STOML3: variants seen among roughly 807,000 people sequenced by gnomAD.
The protein encoded by STOML3 is stomatin like 3, also known as stomatin-like protein 3.
STOML3 carries 31 observed loss-of-function variants against 29.5 expected under a neutral mutation model. That is an observed-to-expected ratio of 1.05 (90% CI 0.79 to 1.42). STOML3 has a LOEUF of 1.42. Among genes scored for constraint, STOML3 ranks in the 40% most tolerant of loss-of-function variants. STOML3 has a pLI of 0.00. For synonymous variants in STOML3, 122 were observed against 139.8 expected, an observed-to-expected ratio of 0.87 and a Z score of 0.90; for missense variants, 380 against 363.0, an observed-to-expected ratio of 1.05 and a Z score of -0.38.
chr13:38,987,687 T>C (rs1393852735), intron 1 of STOML3, among the ~76,000 whole-genome samples: 1 of 137,222 alleles, frequency 7.3e-6, no homozygotes, highest in African/African-American at 2.7e-5. Context: ...ATATTATATA[T>C]ACTAATTATA....
intron 1 of STOML3, among the ~76,000 whole-genome samples, chr13:38,987,233 C>T (rs1320461480): frequency 6.6e-6 from 1 of 152,018 alleles, no homozygotes; most frequent in African/African-American, 2.4e-5. Context: ...CTTTCAAAAG[C>T]TGGTCCAGGC....
At chr13:38,973,096 TAAAAA>T (rs71074495) in intron 3 of STOML3, among the ~76,000 whole-genome samples, 96 of 32,522 alleles carry the variant, frequency 3.0e-3, no homozygotes, top group South Asian at 0.012. Flanking sequence ...CCGTCTCTAC[TAAAAA>T]AAAAAAAAAA....
chr13:38,974,581 C>A (rs1881002381), intron 3 of STOML3, among the ~76,000 whole-genome samples: 1 of 152,014 alleles, frequency 6.6e-6, no homozygotes, highest in Non-Finnish European at 1.5e-5. Context: ...AAATACAGTG[C>A]CAGGTATGTA....
Position 38,972,508 on chromosome 13 carries a change from C to T in STOML3, c.312+4G>A. The T allele has an allele frequency of 6.2e-7, 1 of 1,613,052 alleles. No homozygotes were observed. Among genetic ancestry groups the T allele is most frequent in the South Asian group, 1.1e-5 (1 of 91,058 alleles). ...TCGAGTGACATATCCTTAATCAGTA[C>T]TACCTCTTGTGGAGGAATGTTGCAA... On this transcript the variant is annotated splice_donor_region_variant and intron_variant, in intron 4 of 6. Transcript: ENST00000379631.
At chr13:38,977,750 A>ATTTTTTTTTTTTTTT (rs397851686) in intron 1 of STOML3, among the ~76,000 whole-genome samples, 10 of 84,234 alleles carry the variant, frequency 1.2e-4, no homozygotes, top group Non-Finnish European at 2.3e-4. Flanking sequence ...AAGTCTCCGG[A>ATTTTTTTTTTTTTTT]TTTTTTTTTT....
At chr13:38,978,409 C>T (rs1227217287) in intron 1 of STOML3, among the ~76,000 whole-genome samples, 1 of 152,174 alleles carries the variant, frequency 6.6e-6, no homozygotes, top group Non-Finnish European at 1.5e-5. Flanking sequence ...CTGCCTTGGC[C>T]TCCCAAAGTG....
chr13:38,976,401 G>T, intron 3 of STOML3, 139 bp downstream of exon 3: 1 of 879,194 alleles, frequency 1.1e-6, no homozygotes, highest in Non-Finnish European at 1.8e-6. Flanking sequence ...TTCTTCTGTT[G>T]TACCAAAAGG....
At chr13:38,989,939 A>G (rs1010601937) in intron 1 of STOML3, among the ~76,000 whole-genome samples, 2 of 152,020 alleles carry the variant, frequency 1.3e-5, no homozygotes, top group African/African-American at 4.8e-5. Context: ...ACACACACAC[A>G]CACGCACACC....
chr13:38,981,315 G>C (rs965033965), intron 1 of STOML3, among the ~76,000 whole-genome samples: 3 of 152,124 alleles, frequency 2.0e-5, no homozygotes, highest in African/African-American at 7.2e-5. Context: ...CATTATTCCT[G>C]GTGCTTAGAT....
At chr13:38,989,538 T>C (rs112402126) in intron 1 of STOML3, among the ~76,000 whole-genome samples, 11,175 of 151,986 alleles carry the variant, frequency 0.074, 459 homozygotes, top group South Asian at 0.13. Flanking sequence ...GGTCTCACTC[T>C]GTCACCCAGG....
chr13:38,976,719 G>C lies in STOML3; in HGVS notation c.131C>G (p.Pro44Arg). Residue 44 changes from proline (P) to arginine (R), a missense_variant, in exon 2 of 7, where the codon CCC becomes CGC. Coordinates refer to ENST00000379631, the MANE Select transcript of STOML3 (RefSeq NM_145286.3). ...CTTCAAGCACATCCATATGGAGATG[G>C]GGAAGGTAATGATCACCAACAGGAA... ...LSFLLVIITF[P>R]ISIWMCLKII... 6.2e-7 allele frequency: 1 copy of C among 1,613,970 alleles called. No individual in the cohort carries two copies. Among genetic ancestry groups the C allele is most frequent in the Non-Finnish European group, 8.5e-7 (1 of 1,179,950 alleles).
At position 38,967,065 on chromosome 13, in the gene STOML3, T is replaced by A. The variant is rs374376348; in HGVS notation, c.652-16A>T. 1.9e-4 allele frequency: 298 copies of A among 1,608,170 alleles called. 2 individuals carry two copies. The South Asian group carries it at 1.9e-3, about 10-fold the overall frequency. ...CTGCAAGGACCTGAAATGACAGAAA[T>A]AAAATCGTTCAGAAATAAAAGTTTA... On this transcript the variant is annotated splice_polypyrimidine_tract_variant and intron_variant, in intron 6 of 6. Coordinates refer to ENST00000379631, the MANE Select transcript of STOML3 (RefSeq NM_145286.3).
intron 3 of STOML3, among the ~76,000 whole-genome samples, chr13:38,975,289 C>G (rs1005806462): frequency 6.6e-6 from 1 of 150,810 alleles, no homozygotes; most frequent in Non-Finnish European, 1.5e-5. Flanking sequence ...CCACTGCACT[C>G]CAGCCTGGGC....
At chr13:38,986,311 AG>A (rs1215668187) in intron 1 of STOML3, among the ~76,000 whole-genome samples, 2 of 152,118 alleles carry the variant, frequency 1.3e-5, no homozygotes, top group Admixed American at 1.3e-4. Context: ...CTGAGATTGC[AG>A]GCATGAGCCA....
chr13:38,989,534 ACT>A (rs1868911780), intron 1 of STOML3, among the ~76,000 whole-genome samples: 1 of 150,472 alleles, frequency 6.6e-6, no homozygotes, highest in South Asian at 2.1e-4. Flanking sequence ...GCAGGGTCTC[ACT>A]CTGTCACCCA....
Position 38,989,467 on chromosome 13 carries a change from T to C in STOML3, c.52+1203A>G, listed in dbSNP as rs143258271. On this transcript the variant is annotated intron_variant, in intron 1 of 6. Coordinates refer to ENST00000379631, the MANE Select transcript of STOML3 (RefSeq NM_145286.3). Reference sequence around the variant, plus strand: ...TTCTTTTCCAATTCAGGTAAATGTCTCTAAATGTATACTTTTTCTTTTTTC... The same window carrying C: ...TTCTTTTCCAATTCAGGTAAATGTCCCTAAATGTATACTTTTTCTTTTTTC... Among the ~76,000 whole-genome samples the C allele has an allele frequency of 7.1e-4, 107 of 151,488 alleles. No homozygotes were observed. In the Middle Eastern group the frequency reaches 0.01, roughly 14 times the overall value.
chr13:38,982,989 G>C (rs1307111508), intron 1 of STOML3, among the ~76,000 whole-genome samples: 4 of 152,078 alleles, frequency 2.6e-5, no homozygotes, highest in Admixed American at 2.6e-4. Flanking sequence ...TAAAAATTCA[G>C]ATTCACAGAG....
At chr13:38,990,312 A>G (rs1429518810) in intron 1 of STOML3, among the ~76,000 whole-genome samples, 1 of 152,210 alleles carries the variant, frequency 6.6e-6, no homozygotes, top group Non-Finnish European at 1.5e-5. Context: ...CACCAATTCT[A>G]TCTAAAATTG....
intron 1 of STOML3, among the ~76,000 whole-genome samples, chr13:38,985,420 C>T (rs1482294215): frequency 6.6e-6 from 1 of 151,980 alleles, no homozygotes; most frequent in African/African-American, 2.4e-5. Context: ...GAGAGAGAGA[C>T]TTTGTCTCAA....
Sources: gnomAD v4.1 joint callset for allele counts (sites outside exome capture counted in the v4.1 genomes callset) on GRCh38, gnomAD v4.1.1 for gene constraint, MANE v1.5 for transcripts, NCBI Gene and HGNC (gene_info 2026-07-23, HGNC 2026-07-21) for gene names.